SCLT1: variants seen among roughly 807,000 people sequenced by gnomAD.
SCLT1 encodes sodium channel and clathrin linker 1.
Under a neutral mutation model 112.8 loss-of-function variants are expected in SCLT1, and 78 were observed. The ratio of observed to expected loss-of-function variants is 0.69; its 90% confidence interval spans 0.58 to 0.83. SCLT1 has a LOEUF of 0.83. Ranked by LOEUF, SCLT1 falls within the 40% of genes least tolerant of loss-of-function variation. The pLI, the probability that SCLT1 is intolerant of heterozygous loss-of-function variation, is 0.00. For synonymous variants in SCLT1, 257 were observed against 254.7 expected (o/e 1.01, Z -0.09); for missense variants, 747 against 770.4 (o/e 0.97, Z 0.36).
chr4:128,905,087 C>T (rs1330257767), intron 18 of SCLT1, among the ~76,000 whole-genome samples: 7 of 152,104 alleles, frequency 4.6e-5, no homozygotes, highest in Non-Finnish European at 5.9e-5. Flanking sequence ...CTACTTGACA[C>T]GTTTACTAGA....
At chr4:128,906,468 G>C (rs901753331) in intron 18 of SCLT1, among the ~76,000 whole-genome samples, 1 of 152,174 alleles carries the variant, frequency 6.6e-6, no homozygotes, top group Non-Finnish European at 1.5e-5. Context: ...AAAGTGCTGG[G>C]ATTACAGGCG....
rs557996957 is a variant in SCLT1, at chr4:128,875,719, T to TATTA, written n.355+784_355+787dup. ...ATTAGGCATTTAGTAAGTGGTAGGC[T>TATTA]ATTATTTTTATTAGGAACAAGACAC... On this transcript the variant is annotated intron_variant and non_coding_transcript_variant, in intron 4 of 7. Coordinates refer to the SCLT1 transcript ENST00000503565. Among the ~76,000 whole-genome samples the TATTA allele has an allele frequency of 1.5e-3, 233 of 152,356 alleles. 2 individuals are homozygous for TATTA. The highest frequency in any genetic ancestry group is 0.013 in the East Asian group (68 of 5,188).
chr4:129,023,307 A>G (rs1745666628), intron 5 of SCLT1, among the ~76,000 whole-genome samples: 1 of 152,202 alleles, frequency 6.6e-6, no homozygotes, highest in Non-Finnish European at 1.5e-5. Context: ...TATTAACCTT[A>G]AATGTAAATG....
At chr4:129,030,091 T>G (rs1746563582) in intron 5 of SCLT1, among the ~76,000 whole-genome samples, 1 of 152,026 alleles carries the variant, frequency 6.6e-6, no homozygotes, top group African/African-American at 2.4e-5. Flanking sequence ...TGAAAAAGAA[T>G]GGAGTTCATA....
At position 129,033,307 on chromosome 4, in the gene SCLT1, CAG is replaced by C. The variant is rs1277975264; in HGVS notation, c.290+5732_290+5733del. On this transcript the variant is annotated intron_variant, in intron 5 of 20. Transcript: ENST00000281142. ...GTTGAACAATGAGAACACATGGACA[CAG>C]GGAGGGGAACATCACACATTGGGGC... 4.7e-5 allele frequency among the ~76,000 whole-genome samples: 7 copies of C among 147,446 alleles called. No individual in the cohort carries two copies. The South Asian group carries it at 8.5e-4, about 18-fold the overall frequency.
At chr4:129,027,027 A>C (rs1746167800) in intron 5 of SCLT1, among the ~76,000 whole-genome samples, 1 of 152,182 alleles carries the variant, frequency 6.6e-6, no homozygotes, top group South Asian at 2.1e-4. Context: ...TGAATAGACC[A>C]ATAACAGGCT....
intron 17 of SCLT1, among the ~76,000 whole-genome samples, chr4:128,942,134 C>G (rs529284528): frequency 6.6e-6 from 1 of 151,994 alleles, no homozygotes; most frequent in Non-Finnish European, 1.5e-5. Flanking sequence ...GTACAAACTT[C>G]TTTTTAAATA....
Position 129,039,285 on chromosome 4 carries a change from T to C in SCLT1, c.235-189A>G, listed in dbSNP as rs190842736. 1.9e-4 allele frequency: 89 copies of C among 465,164 alleles called. 1 individual carries two copies. Among genetic ancestry groups the C allele is most frequent in the African/African-American group, 1.6e-3 (82 of 49,780 alleles). 28.8% of individuals were successfully genotyped at this position (465,164 alleles called of 1,614,324 possible). On this transcript the variant is annotated intron_variant, in intron 4 of 20. Coordinates refer to ENST00000281142, the MANE Select transcript of SCLT1 (RefSeq NM_144643.4). ...TAAACAGAACACAATAAAACATTCA[T>C]TTTAAGTAGAATATAAATAAAATAG...
At chr4:129,042,073 A>G (rs1747746037) in intron 4 of SCLT1, among the ~76,000 whole-genome samples, 2 of 151,964 alleles carry the variant, frequency 1.3e-5, no homozygotes, top group African/African-American at 4.8e-5. Context: ...AAGTCATTAT[A>G]CTCTGTTCCA....
intron 9 of SCLT1, among the ~76,000 whole-genome samples, chr4:128,988,504 C>T (rs1316316676): frequency 6.6e-6 from 1 of 151,312 alleles, no homozygotes; most frequent in Non-Finnish European, 1.5e-5. Flanking sequence ...CCTGAAAAGC[C>T]AAGAAATTAA....
At position 129,040,969 on chromosome 4, in the gene SCLT1, A is replaced by T. The variant is rs548919586; in HGVS notation, c.235-1873T>A. 2.6e-4 allele frequency among the ~76,000 whole-genome samples: 40 copies of T among 152,338 alleles called. No homozygotes were observed. The East Asian group carries it at 7.5e-3, about 29-fold the overall frequency. ...CCTTTGGCGGTAAAGAATGCAAAATAGAAAAACAAAGTTAAACATCTTAGT... is the reference window on the plus strand; with the variant it reads ...CCTTTGGCGGTAAAGAATGCAAAATTGAAAAACAAAGTTAAACATCTTAGT... On this transcript the variant is annotated intron_variant, in intron 4 of 20. Coordinates refer to ENST00000281142, the MANE Select transcript of SCLT1 (RefSeq NM_144643.4).
At chr4:129,046,242 G>A (rs1310860946) in intron 2 of SCLT1, among the ~76,000 whole-genome samples, 1 of 151,984 alleles carries the variant, frequency 6.6e-6, no homozygotes, top group Non-Finnish European at 1.5e-5. Flanking sequence ...TCCAAGTAAG[G>A]ACAGTTCTGA....
chr4:128,968,668 A>C (rs1740416514), intron 10 of SCLT1, among the ~76,000 whole-genome samples: 1 of 152,016 alleles, frequency 6.6e-6, no homozygotes, highest in African/African-American at 2.4e-5. Flanking sequence ...TAGATAATAC[A>C]TTGCAGTTAC....
intron 2 of SCLT1, among the ~76,000 whole-genome samples, chr4:129,056,304 C>G (rs1375318575): frequency 6.6e-6 from 1 of 152,184 alleles, no homozygotes; most frequent in Non-Finnish European, 1.5e-5. Flanking sequence ...ATGTTCTTGG[C>G]ACCTTTTTTG....
chr4:128,998,008 AC>A, intron 7 of SCLT1, 69 bp from the exon 8 acceptor site: 1 of 701,896 alleles, frequency 1.4e-6, no homozygotes, highest in East Asian at 3.1e-5. Context: ...TTAAAATTAA[AC>A]TAAAATCAAG....
intron 5 of SCLT1, among the ~76,000 whole-genome samples, chr4:129,010,665 GTTTA>G (rs1744439521): frequency 6.6e-6 from 1 of 151,030 alleles, no homozygotes; most frequent in African/African-American, 2.4e-5. Context: ...TAGTTTGTGT[GTTTA>G]TTTATTTATT....
At chr4:129,074,773 C>T (rs1228940067) in intron 2 of SCLT1, among the ~76,000 whole-genome samples, 1 of 152,164 alleles carries the variant, frequency 6.6e-6, no homozygotes, top group Non-Finnish European at 1.5e-5. Context: ...GCAAGCATAG[C>T]TCACTCCAGC....
chr4:128,952,763 A>G lies in SCLT1; in HGVS notation c.1218+6T>C. ...TGGAAGAAAATATCAGTATAGTCAA[A>G]CATACCATTTGAAGGGCTGAAAGTT... On this transcript the variant is annotated splice_donor_region_variant and intron_variant, in intron 14 of 20. Coordinates refer to ENST00000281142, the MANE Select transcript of SCLT1 (RefSeq NM_144643.4). 3 of 1,446,160 alleles carry G rather than the reference A, an allele frequency of 2.1e-6. No individual in the cohort carries two copies. Among genetic ancestry groups the G allele is most frequent in the Non-Finnish European group, 2.9e-6 (3 of 1,027,306 alleles). The allele number at this position is 1,446,160 out of a possible 1,614,324, so 89.6% of individuals were successfully genotyped here.
At chr4:129,069,424 T>C (rs1166809187) in intron 2 of SCLT1, among the ~76,000 whole-genome samples, 1 of 152,208 alleles carries the variant, frequency 6.6e-6, no homozygotes, top group Non-Finnish European at 1.5e-5. Context: ...TTTCTGTTTG[T>C]GTCATCTATG....
Sources: allele counts gnomAD v4.1 joint callset (sites outside exome capture counted in the v4.1 genomes callset), GRCh38; gene constraint gnomAD v4.1.1; transcripts MANE v1.5; gene names NCBI Gene and HGNC (gene_info 2026-07-23, HGNC 2026-07-21).